The following KDM4B variants were observed in gnomAD, a reference collection of about 807,000 sequenced individuals.
The protein encoded by KDM4B is lysine demethylase 4B.
KDM4B carries 32 observed loss-of-function variants against 125.2 expected under a neutral mutation model. That is an observed-to-expected ratio of 0.26 (90% CI 0.19 to 0.34). KDM4B has a LOEUF of 0.34. KDM4B is among the 10% of genes least tolerant of loss of function. The pLI, the probability that KDM4B is intolerant of heterozygous loss-of-function variation, is 1.00. For missense variants in KDM4B, 1,190 were observed against 1,577.7 expected (o/e 0.75, Z 4.16); for synonymous variants, 721 against 677.9 (o/e 1.06, Z -0.99).
chr19:5,025,922 G>C (rs575059555), intron 2 of KDM4B, among the ~76,000 whole-genome samples: 3 of 151,850 alleles, frequency 2.0e-5, no homozygotes, highest in Admixed American at 6.6e-5. Context: ...TTCACTCGTT[G>C]CCCAGGCTGG....
At chr19:5,108,105 G>A (rs925350687) in intron 9 of KDM4B, among the ~76,000 whole-genome samples, 5 of 152,252 alleles carry the variant, frequency 3.3e-5, no homozygotes, top group South Asian at 4.1e-4. Context: ...GCTCCAGGCC[G>A]TGGCAGTGCA....
intron 6 of KDM4B, among the ~76,000 whole-genome samples, chr19:5,063,697 G>A (rs1300966004): frequency 1.3e-5 from 2 of 152,244 alleles, no homozygotes; most frequent in Non-Finnish European, 2.9e-5. Context: ...CCAGTGCGGT[G>A]AATAGGTCCT....
chr19:4,981,086 C>G (rs197161), intron 1 of KDM4B, among the ~76,000 whole-genome samples: 149,155 of 152,156 alleles, frequency 0.98, 73,121 homozygotes, highest in East Asian at 1. Flanking sequence ...GGCGAGTCCG[C>G]GCCACGGGCC....
At chr19:5,131,668 G>GAGGGGGCAGGTGGGGCACCGGGGA in intron 12 of KDM4B, 123 bp downstream of exon 12, 4 of 645,928 alleles carry the variant, frequency 6.2e-6, no homozygotes, top group Non-Finnish European at 7.9e-6. Flanking sequence ...GGGACAGGAG[G>GAGGGGGCAGGTGGGGCACCGGGGA]GCTGACTGCT....
At chr19:4,989,955 G>A (rs2034979946) in intron 1 of KDM4B, among the ~76,000 whole-genome samples, 1 of 152,132 alleles carries the variant, frequency 6.6e-6, no homozygotes, top group African/African-American at 2.4e-5. Context: ...GTCTGACTCA[G>A]TCTTCCTTTT....
At chr19:5,110,141 C>T (rs932373871) in intron 9 of KDM4B, among the ~76,000 whole-genome samples, 8 of 152,202 alleles carry the variant, frequency 5.3e-5, no homozygotes, top group Non-Finnish European at 1.0e-4. Flanking sequence ...CAGGGACTCA[C>T]AACTGGGGGA....
At chr19:5,116,740 G>C (rs1337794435) in intron 10 of KDM4B, among the ~76,000 whole-genome samples, 5 of 152,164 alleles carry the variant, frequency 3.3e-5, no homozygotes, top group Non-Finnish European at 2.9e-5. Context: ...GTGGGGGCAG[G>C]GAATGCGGCC....
intron 6 of KDM4B, among the ~76,000 whole-genome samples, chr19:5,064,307 C>T (rs905506743): frequency 6.6e-6 from 1 of 152,176 alleles, no homozygotes; most frequent in Non-Finnish European, 1.5e-5. Context: ...TCTGTGTCTG[C>T]GATGATAGCG....
Position 5,137,990 on chromosome 19 carries a change from G to A in KDM4B, c.2470G>A (p.Val824Ile), listed in dbSNP as rs1599259731. The stretch of plus-strand genomic sequence containing the variant: ...GATCCACGTGATCTGTGCCATCGCA[G>A]TCCCCGAGGCGCGCTTCCTGAACGT... Reference protein sequence around the residue: ...RWIHVICAIAVPEARFLNVIE... With the variant: ...RWIHVICAIAIPEARFLNVIE... The change falls in exon 18 of 23, where the codon GTC (valine) becomes ATC (isoleucine). Residue 824 changes from valine (V) to isoleucine (I), a missense_variant. By Grantham distance (29) the Val-to-Ile change is conservative. Transcript: ENST00000159111. The A allele has an allele frequency of 1.2e-6, 2 of 1,612,612 alleles. No homozygotes were observed. Among genetic ancestry groups the A allele is most frequent in the Non-Finnish European group, 1.7e-6 (2 of 1,179,882 alleles).
At position 4,971,115 on chromosome 19, in the gene KDM4B, T is replaced by C. The variant is rs1400849777; in HGVS notation, c.-109+1885T>C. On this transcript the variant is annotated intron_variant, in intron 1 of 22. Transcript: ENST00000159111. The surrounding 1 kb of genome is among the most constrained non-coding windows in gnomAD (Gnocchi z 4.1). ...TGTTTAGTTGCTGAGACCTGAAATA[T>C]ATATGTCTTAGTAACAATCCGTTTG... Among the ~76,000 whole-genome samples the C allele has an allele frequency of 6.6e-6, 1 of 152,184 alleles. No homozygotes were observed. Among genetic ancestry groups the C allele is most frequent in the East Asian group, 1.9e-4 (1 of 5,204 alleles).
In KDM4B at chr19:5,019,530, ATTGGTGTGCAGGTG is replaced by A. The variant is rs1299812389; in HGVS notation, c.-26+3205_-26+3218del. On this transcript the variant is annotated intron_variant, in intron 2 of 22. Coordinates refer to ENST00000159111, the MANE Select transcript of KDM4B (RefSeq NM_015015.3). ...TTGGTGTGGGTGTTGGTGTGCACGTATTGGTGTGCAGGTGTTGGTGTGCAGGTATTGGTGTGGAT... is the reference window on the plus strand; with the variant it reads ...TTGGTGTGGGTGTTGGTGTGCACGTATTGGTGTGCAGGTATTGGTGTGGAT... Among the ~76,000 whole-genome samples, 274 of 74,756 alleles carry A rather than the reference ATTGGTGTGCAGGTG, an allele frequency of 3.7e-3. 2 individuals are homozygous for A. The East Asian group carries it at 0.041, about 11-fold the overall frequency. 49.0% of individuals were successfully genotyped at this position (74,756 alleles called of 152,430 possible). A position where few individuals can be genotyped will look rare whatever the true frequency, so the allele number is the denominator to read the frequency against.
rs561404634 is a variant in KDM4B at position 5,037,493 on chromosome 19, G to A, written c.142-2343G>A. On this transcript the variant is annotated intron_variant, in intron 3 of 22. Coordinates refer to ENST00000159111, the MANE Select transcript of KDM4B (RefSeq NM_015015.3). ...CCAGCACCCTGCCATCACACAGCCTGTGCCAGGGACAGGTGCCCCAGGCGC... is the reference window on the plus strand; with the variant it reads ...CCAGCACCCTGCCATCACACAGCCTATGCCAGGGACAGGTGCCCCAGGCGC... Among the ~76,000 whole-genome samples, 3 of 152,338 alleles carry A rather than the reference G, an allele frequency of 2.0e-5. No homozygotes were observed. In the South Asian group the frequency reaches 6.2e-4, roughly 32 times the overall value.
rs2035627777 is a variant in KDM4B at position 5,008,467 on chromosome 19, A to G, written c.-108-7790A>G. Among the ~76,000 whole-genome samples, 4 of 152,132 alleles carry G rather than the reference A, an allele frequency of 2.6e-5. No individual in the cohort carries two copies. The South Asian group carries it at 8.3e-4, about 32-fold the overall frequency. On this transcript the variant is annotated intron_variant, in intron 1 of 22. Coordinates refer to ENST00000159111, the MANE Select transcript of KDM4B (RefSeq NM_015015.3). Reference sequence around the variant, plus strand: ...AGTCTTGAGTGTAGATGTTAAGGAAAAATAATATGGTTCTTACATTAACAT... The same window carrying G: ...AGTCTTGAGTGTAGATGTTAAGGAAGAATAATATGGTTCTTACATTAACAT...
At chr19:5,143,305 G>A (rs1237247143) in intron 18 of KDM4B, among the ~76,000 whole-genome samples, 1 of 138,964 alleles carries the variant, frequency 7.2e-6, no homozygotes, top group Non-Finnish European at 1.5e-5. Context: ...CTGGGTGACA[G>A]AGCACCCAGG....
intron 1 of KDM4B, among the ~76,000 whole-genome samples, chr19:4,979,306 C>A (rs970528146): frequency 6.6e-6 from 1 of 152,114 alleles, no homozygotes; most frequent in African/African-American, 2.4e-5. Flanking sequence ...AAAACCAAGC[C>A]CAGGGAAGCA....
At position 5,109,216 on chromosome 19, in the gene KDM4B, G is replaced by T. The variant is rs992566427; in HGVS notation, c.919-1406G>T. 3.9e-5 allele frequency among the ~76,000 whole-genome samples: 6 copies of T among 152,190 alleles called. No individual in the cohort carries two copies. The East Asian group carries it at 1.2e-3, about 29-fold the overall frequency. On this transcript the variant is annotated intron_variant, in intron 9 of 22. Coordinates refer to ENST00000159111, the MANE Select transcript of KDM4B (RefSeq NM_015015.3). ...TTTCCCCCTTCCTCTTGAGGTTGGG[G>T]TTTTTCCAGCCCCATCTCAGCCTCA... is the stretch of plus-strand genomic sequence containing the variant.
At chr19:5,056,940 C>T (rs1364505391) in intron 6 of KDM4B, among the ~76,000 whole-genome samples, 4 of 151,902 alleles carry the variant, frequency 2.6e-5, no homozygotes, top group Middle Eastern at 6.8e-3. Flanking sequence ...CTGCCTGTCC[C>T]GGGGCTTCCC....
chr19:5,060,573 G>C (rs2037562184), intron 6 of KDM4B, among the ~76,000 whole-genome samples: 3 of 149,280 alleles, frequency 2.0e-5, no homozygotes, highest in Middle Eastern at 3.4e-3. Context: ...CCTTTTAACA[G>C]AATAAACGGC....
In KDM4B at chr19:5,143,937, C is replaced by T. The variant is rs2306398; in HGVS notation, c.2551-30C>T. On this transcript the variant is annotated intron_variant, in intron 18 of 22. Coordinates refer to ENST00000159111, the MANE Select transcript of KDM4B (RefSeq NM_015015.3). ...CAGGGTCCCTAGGGAAGCTCGAGCC[C>T]CATGCCCCTGCCTGTGTCCCCATCC... The T allele has an allele frequency of 5.1e-4, 781 of 1,545,036 alleles. 3 individuals carry two copies. Among genetic ancestry groups the T allele is most frequent in the East Asian group, 3.3e-3 (145 of 43,816 alleles).
Sources: allele counts gnomAD v4.1 joint callset (sites outside exome capture counted in the v4.1 genomes callset), GRCh38; gene constraint gnomAD v4.1.1; non-coding constraint Gnocchi (gnomAD v3.1); transcripts MANE v1.5; gene names NCBI Gene and HGNC (gene_info 2026-07-23, HGNC 2026-07-21).